Variants in RGS3 observed in about 807,000 individuals in gnomAD.
RGS3 encodes regulator of G protein signaling 3, also known as regulator of G-protein signalling 3.
In RGS3, 80 loss-of-function variants were observed where a neutral mutation model predicts 132.6. That is an observed-to-expected ratio of 0.60 (90% CI 0.50 to 0.73). The LOEUF is 0.73. Ranked by LOEUF, RGS3 falls within the 30% of genes least tolerant of loss-of-function variation. RGS3 has a pLI of 0.00. For missense variants in RGS3, 1,382 were observed against 1,530.8 expected, an observed-to-expected ratio of 0.90 and a Z score of 1.62; for synonymous variants, 598 against 620.6, an observed-to-expected ratio of 0.96 and a Z score of 0.54.
At chr9:113,479,570 A>C in intron 4 of RGS3, 29 bp downstream of exon 2, 2 of 1,612,518 alleles carry the variant, frequency 1.2e-6, no homozygotes, top group Non-Finnish European at 1.7e-6. Context: ...AGGCTCACCA[A>C]GGAAGGGGCG....
At chr9:113,449,560 C>T (rs1348333964) in intron 1 of RGS3, among the ~76,000 whole-genome samples, 6 of 152,092 alleles carry the variant, frequency 3.9e-5, no homozygotes, top group Non-Finnish European at 5.9e-5. Context: ...TCTGAAAATA[C>T]GTCCCAGAGG....
chr9:113,590,971 G>A (rs575061136), intron 20 of RGS3, among the ~76,000 whole-genome samples: 1 of 152,332 alleles, frequency 6.6e-6, no homozygotes, highest in Non-Finnish European at 1.5e-5. Flanking sequence ...AAGGAATAGA[G>A]GCTTAGAGAG....
rs776865586 is a variant in RGS3 at position 113,507,404 on chromosome 9, A to AC, written c.1209dup (p.Asn404GlnfsTer16). The AC allele has an allele frequency of 6.2e-7, 1 of 1,613,464 alleles. No homozygotes were observed. ...GCAAGTCGACACATGACCTCCAGTC[A>AC]CCCCCCAACAAACGGGAGAAGAACT... On this transcript the variant is annotated frameshift_variant, in exon 13 of 25. Coordinates refer to ENST00000350696, the Ensembl canonical transcript of RGS3. LOFTEE classifies it high-confidence loss of function. The surrounding 1 kb of genome is among the most constrained non-coding windows in gnomAD (Gnocchi z 5.0).
chr9:113,559,720 T>A (rs1170855328), intron 19 of RGS3, among the ~76,000 whole-genome samples: 16 of 152,210 alleles, frequency 1.1e-4, no homozygotes, highest in Admixed American at 1.0e-3. Flanking sequence ...TGTACCTCAG[T>A]TTCCTGATCT....
At chr9:113,594,259 G>A (rs1389168184) in intron 21 of RGS3, 171 bp from the exon 20 acceptor site, 1 of 1,611,420 alleles carries the variant, frequency 6.2e-7, no homozygotes, top group Non-Finnish European at 8.5e-7. Flanking sequence ...CGGCCCCAAG[G>A]TGGGGGGCCC....
chr9:113,456,588 C>A (rs1412561378), upstream of RGS3, among the ~76,000 whole-genome samples: 2 of 151,878 alleles, frequency 1.3e-5, no homozygotes, highest in Non-Finnish European at 2.9e-5. Context: ...GAAAAGACTT[C>A]TAAGAGCAAT....
chr9:113,481,834 G>A (rs1177800092), intron 4 of RGS3, among the ~76,000 whole-genome samples: 1 of 152,140 alleles, frequency 6.6e-6, no homozygotes, highest in Non-Finnish European at 1.5e-5. Context: ...ATCACCTGAG[G>A]TCGGGAGTTC....
At chr9:113,452,818 T>A (rs750799977) in intron 1 of RGS3, among the ~76,000 whole-genome samples, 3 of 149,142 alleles carry the variant, frequency 2.0e-5, no homozygotes, top group Non-Finnish European at 4.4e-5. Context: ...TCTAACCCAT[T>A]GTTAATCCCA....
intron 10 of RGS3, among the ~76,000 whole-genome samples, chr9:113,499,070 T>C (rs1273948173): frequency 6.8e-6 from 1 of 146,952 alleles, no homozygotes; most frequent in African/African-American, 2.5e-5. Flanking sequence ...CTACTAAAAA[T>C]ACAAAAATTA....
intron 19 of RGS3, among the ~76,000 whole-genome samples, chr9:113,543,441 C>A (rs540411540): frequency 4.6e-5 from 7 of 152,344 alleles, no homozygotes; most frequent in African/African-American, 1.4e-4. Flanking sequence ...ACCAATGCCC[C>A]CCACCCAGCA....
chr9:113,521,439 G>A (rs1403850391), intron 16 of RGS3, among the ~76,000 whole-genome samples: 3 of 152,126 alleles, frequency 2.0e-5, no homozygotes, highest in Non-Finnish European at 4.4e-5. Context: ...GAGGAGTGTG[G>A]CATCTTAACT....
chr9:113,445,921 C>G (rs1190414943), intron 1 of RGS3, among the ~76,000 whole-genome samples: 2 of 152,098 alleles, frequency 1.3e-5, no homozygotes, highest in Non-Finnish European at 2.9e-5. Context: ...TCAAGTAATC[C>G]GCCCACCTTG....
chr9:113,558,926 T>C (rs1202477770), intron 19 of RGS3, among the ~76,000 whole-genome samples: 2 of 152,172 alleles, frequency 1.3e-5, no homozygotes, highest in African/African-American at 4.8e-5. Context: ...ACATTTTGAG[T>C]GGACTGATCT....
intron 10 of RGS3, among the ~76,000 whole-genome samples, chr9:113,499,349 A>G (rs760050747): frequency 6.6e-6 from 1 of 152,162 alleles, no homozygotes; most frequent in African/African-American, 2.4e-5. Flanking sequence ...CGCATCTCAC[A>G]GATGAGAGGG....
chr9:113,546,791 A>G (rs572971712), intron 19 of RGS3, among the ~76,000 whole-genome samples: 1 of 152,302 alleles, frequency 6.6e-6, no homozygotes, highest in South Asian at 2.1e-4. Context: ...GCCCAGCTGG[A>G]GCTGCTGCTG....
intron 19 of RGS3, among the ~76,000 whole-genome samples, chr9:113,548,610 A>T (rs1833209416): frequency 6.6e-6 from 1 of 152,096 alleles, no homozygotes; most frequent in African/African-American, 2.4e-5. Flanking sequence ...GCCAGGCCCG[A>T]TGTGAGGAAG....
chr9:113,454,793 T>C (rs908972641), intron 1 of RGS3, among the ~76,000 whole-genome samples: 1 of 150,376 alleles, frequency 6.6e-6, no homozygotes, highest in Non-Finnish European at 1.5e-5. Flanking sequence ...TAATACCTCC[T>C]AAGGAATTAG....
exon 20 of RGS3, chr9:113,584,123 A>G (rs1216838487): frequency 1.2e-5 from 20 of 1,614,258 alleles, no homozygotes; most frequent in Non-Finnish European, 1.7e-5. Flanking sequence ...GACACCAGCG[A>G]TGACAACTAC....
chr9:113,525,184 T>A (rs1832147890), intron 17 of RGS3, among the ~76,000 whole-genome samples: 5 of 152,038 alleles, frequency 3.3e-5, no homozygotes. Context: ...TTTGGATAGA[T>A]GGTTTGGGGC....
Sources: allele counts gnomAD v4.1 joint callset (sites outside exome capture counted in the v4.1 genomes callset), GRCh38; gene constraint gnomAD v4.1.1; non-coding constraint Gnocchi (gnomAD v3.1); transcripts MANE v1.5; gene names NCBI Gene and HGNC (gene_info 2026-07-23, HGNC 2026-07-21).